The following DOCK1 variants were observed in gnomAD, a reference collection of about 807,000 sequenced individuals.
DOCK1 encodes dedicator of cytokinesis 1, also known as dedicator of cytokinesis protein 1.
A neutral mutation model predicts 262.7 loss-of-function variants in DOCK1; 138 were observed. The ratio of observed to expected loss-of-function variants is 0.53; its 90% CI spans 0.46 to 0.61. DOCK1 has a LOEUF of 0.61. Ranked by LOEUF, DOCK1 falls within the 20% of genes least tolerant of loss-of-function variation. DOCK1 has a pLI of 0.00. For synonymous variants in DOCK1, 866 were observed against 867.4 expected, an observed-to-expected ratio of 1.00 and a Z score of 0.03; for missense variants, 1,908 against 2,370.7, an observed-to-expected ratio of 0.80 and a Z score of 4.05.
At chr10:126,991,739 G>T (rs2039801789) in intron 6 of DOCK1, among the ~76,000 whole-genome samples, 2 of 152,190 alleles carry the variant, frequency 1.3e-5, no homozygotes, top group South Asian at 4.2e-4. Flanking sequence ...ATGTTGGTCA[G>T]GCTGATCTCA....
At chr10:127,279,636 G>C (rs2060871031) in intron 29 of DOCK1, among the ~76,000 whole-genome samples, 1 of 152,168 alleles carries the variant, frequency 6.6e-6, no homozygotes, top group African/African-American at 2.4e-5. Context: ...GTTCTCTACA[G>C]GGCTGGTCCT....
intron 23 of DOCK1, among the ~76,000 whole-genome samples, chr10:127,066,849 C>T (rs1487850656): frequency 6.6e-6 from 1 of 152,236 alleles, no homozygotes; most frequent in Non-Finnish European, 1.5e-5. Flanking sequence ...CTTAATTAAC[C>T]TACCCAAGGC....
chr10:127,049,025 G>C (rs139004634), intron 21 of DOCK1, among the ~76,000 whole-genome samples: 3 of 151,800 alleles, frequency 2.0e-5, no homozygotes, highest in Non-Finnish European at 2.9e-5. Context: ...AAATAAATGC[G>C]GGTATAACAA....
chr10:127,189,687 G>A (rs1242608596), intron 27 of DOCK1, among the ~76,000 whole-genome samples: 2 of 152,152 alleles, frequency 1.3e-5, no homozygotes, highest in Admixed American at 6.5e-5. Flanking sequence ...TGAAAAATAC[G>A]GTTTGAAAGT....
At chr10:127,051,344 A>C (rs2044712051) in intron 21 of DOCK1, among the ~76,000 whole-genome samples, 1 of 152,084 alleles carries the variant, frequency 6.6e-6, no homozygotes. Context: ...CTATTCTTAT[A>C]TATTGTTTAT....
chr10:126,953,109 TTGGTGA>T (rs2036452159), intron 1 of DOCK1, among the ~76,000 whole-genome samples: 1 of 151,932 alleles, frequency 6.6e-6, no homozygotes, highest in African/African-American at 2.4e-5. Context: ...TTGTGAAGTA[TTGGTGA>T]TGGTGGTGGT....
chr10:127,319,742 G>A lies in DOCK1; in HGVS notation c.3045-19264G>A, dbSNP rs147715071. 3.9e-5 allele frequency among the ~76,000 whole-genome samples: 6 copies of A among 152,328 alleles called. No homozygotes were observed. In the East Asian group the frequency reaches 1.2e-3, roughly 29 times the overall value. On this transcript the variant is annotated intron_variant, in intron 29 of 51. Coordinates refer to ENST00000623213, the MANE Select transcript of DOCK1 (RefSeq NM_001290223.2). The stretch of plus-strand genomic sequence containing the variant: ...GTGGCTTTTGGGCCACCCGTGCCCT[G>A]TCTGAAAGCAGAGCATCATGTGGCC...
chr10:127,438,376 G>A (rs1352772390), intron 48 of DOCK1, among the ~76,000 whole-genome samples: 1 of 152,340 alleles, frequency 6.6e-6, no homozygotes, highest in Admixed American at 6.5e-5. Flanking sequence ...AAGGGTGGTG[G>A]TGTCTTTATA....
intron 1 of DOCK1, among the ~76,000 whole-genome samples, chr10:126,926,687 T>C (rs2033752164): frequency 6.6e-6 from 1 of 152,126 alleles, no homozygotes; most frequent in African/African-American, 2.4e-5. Flanking sequence ...GTGTCCTTGT[T>C]AAGAAGAGGA....
At chr10:127,400,775 C>T (rs966726806) in intron 38 of DOCK1, among the ~76,000 whole-genome samples, 1 of 152,212 alleles carries the variant, frequency 6.6e-6, no homozygotes, top group Non-Finnish European at 1.5e-5. Flanking sequence ...TCTAAATCCT[C>T]ACCCACCTCC....
At chr10:126,949,790 G>T (rs1237986941) in intron 1 of DOCK1, among the ~76,000 whole-genome samples, 1 of 152,190 alleles carries the variant, frequency 6.6e-6, no homozygotes, top group African/African-American at 2.4e-5. Flanking sequence ...TATTTCTTGT[G>T]ACTTTTGTTT....
chr10:127,080,873 C>T (rs905100226), intron 23 of DOCK1, among the ~76,000 whole-genome samples: 3 of 152,138 alleles, frequency 2.0e-5, no homozygotes, highest in Non-Finnish European at 2.9e-5. Context: ...CTGTACTCTC[C>T]GCCCCCCAGT....
chr10:127,204,023 G>A (rs2057598440), intron 27 of DOCK1, among the ~76,000 whole-genome samples: 1 of 151,220 alleles, frequency 6.6e-6, no homozygotes, highest in Non-Finnish European at 1.5e-5. Flanking sequence ...CTAGAATGTT[G>A]TACAAACGCT....
chr10:127,273,928 C>A (rs1350408859), intron 29 of DOCK1, among the ~76,000 whole-genome samples: 1 of 151,304 alleles, frequency 6.6e-6, no homozygotes, highest in African/African-American at 2.4e-5. Context: ...GGATATGGGA[C>A]CTAAAAAGCA....
At chr10:127,379,160 G>C (rs1049125527) in intron 35 of DOCK1, among the ~76,000 whole-genome samples, 1 of 152,158 alleles carries the variant, frequency 6.6e-6, no homozygotes, top group African/African-American at 2.4e-5. Context: ...GGCCTTGTGA[G>C]GTGACTTCTG....
intron 27 of DOCK1, among the ~76,000 whole-genome samples, chr10:127,237,507 C>G (rs1300056869): frequency 1.3e-5 from 2 of 152,162 alleles, no homozygotes; most frequent in Non-Finnish European, 2.9e-5. Context: ...GAATACACCT[C>G]TACAGTGGAC....
intron 37 of DOCK1, among the ~76,000 whole-genome samples, chr10:127,383,721 C>T (rs1453055448): frequency 2.0e-5 from 3 of 152,178 alleles, no homozygotes; most frequent in Non-Finnish European, 2.9e-5. Flanking sequence ...CAGCTTCCCA[C>T]TTAGTGCCTT....
At chr10:126,930,338 C>T (rs937251618) in intron 1 of DOCK1, among the ~76,000 whole-genome samples, 4 of 152,216 alleles carry the variant, frequency 2.6e-5, no homozygotes, top group Non-Finnish European at 4.4e-5. Flanking sequence ...TGCGGGGTCA[C>T]GTGGCACTTC....
chr10:127,417,884 TC>T (rs2068256629), intron 44 of DOCK1, among the ~76,000 whole-genome samples: 1 of 152,052 alleles, frequency 6.6e-6, no homozygotes, highest in South Asian at 2.1e-4. Context: ...CCATCACTCT[TC>T]CTTCACATGA....
Sources: allele counts gnomAD v4.1 joint callset (sites outside exome capture counted in the v4.1 genomes callset), GRCh38; gene constraint gnomAD v4.1.1; transcripts MANE v1.5; gene names NCBI Gene and HGNC (gene_info 2026-07-23, HGNC 2026-07-21).